TPPP2: variants seen among roughly 807,000 people sequenced by gnomAD.
TPPP2 encodes the protein tubulin polymerization promoting protein family member 2.
Under a neutral mutation model 13.0 loss-of-function variants are expected in TPPP2, and 8 were observed. The ratio of observed to expected loss-of-function variants is 0.62; its 90% CI spans 0.36 to 1.11. The LOEUF (loss-of-function observed/expected upper bound fraction) is 1.11. Among genes scored for constraint, TPPP2 ranks in the 50% most tolerant of loss-of-function variants. TPPP2 has a pLI of 0.02. For synonymous variants in TPPP2, 81 were observed against 81.8 expected, an observed-to-expected ratio of 0.99 and a Z score of 0.05; for missense variants, 213 against 216.9, an observed-to-expected ratio of 0.98 and a Z score of 0.11.
In TPPP2 at chr14:21,032,354, G is replaced by C. The variant is rs1884271536; in HGVS notation, c.*277G>C. The C allele has an allele frequency of 1.9e-6, 1 of 538,596 alleles. No individual in the cohort carries two copies. The highest frequency in any genetic ancestry group is 3.5e-6 in the Non-Finnish European group (1 of 282,806). The allele number at this position is 538,596 out of a possible 1,614,324, so 33.4% of individuals were successfully genotyped here. A position where few individuals can be genotyped will look rare whatever the true frequency, so the allele number is the denominator to read the frequency against. On this transcript the variant is annotated 3_prime_UTR_variant, in exon 4 of 4. Transcript: ENST00000321760. ...AGAACAGGATGGAAGAATATATTTG[G>C]AGTAAAGAGATGAACCAGATGTGGA...
Position 21,032,521 on chromosome 14 carries a change from C to T in TPPP2, c.*444C>T. ...GATCCTTCCCTGTCCCTCCACCTTC[C>T]TCATCTGTTGCAATTCAGGTTTTTT... On this transcript the variant is annotated 3_prime_UTR_variant, in exon 4 of 4. Coordinates refer to ENST00000321760, the MANE Select transcript of TPPP2 (RefSeq NM_173846.5). The T allele has an allele frequency of 5.8e-6, 2 of 347,752 alleles. No homozygotes were observed. Among genetic ancestry groups the T allele is most frequent in the South Asian group, 2.1e-5 (1 of 46,800 alleles). 21.5% of individuals were successfully genotyped at this position (347,752 alleles called of 1,614,324 possible). A position where few individuals can be genotyped will look rare whatever the true frequency, so the allele number is the denominator to read the frequency against.
At chr14:21,024,917 T>C (rs1740827324) in intron 1 of TPPP2, 1 of 985,702 alleles carries the variant, frequency 1.0e-6, no homozygotes, top group South Asian at 4.7e-5. Flanking sequence ...CGCTCCGTGC[T>C]GGCCCTTTCC....
downstream of TPPP2, chr14:21,034,321 G>A (rs771694607): frequency 2.0e-6 from 3 of 1,525,504 alleles, no homozygotes; most frequent in South Asian, 1.2e-5. Context: ...GTGGTTGGGG[G>A]CAGCAGTGGG....
upstream of TPPP2, chr14:21,025,779 A>G (rs1299811689): frequency 7.0e-6 from 6 of 857,624 alleles, no homozygotes; most frequent in African/African-American, 1.1e-4. The surrounding 1 kb of genome is among the most constrained non-coding windows in gnomAD (Gnocchi z 5.1). Context: ...GGGGGCCGCT[A>G]TAAATAGAGG....
At chr14:21,033,144 G>T (rs1884356279), downstream of TPPP2, 1 of 377,168 alleles carries the variant, frequency 2.7e-6, no homozygotes, top group Non-Finnish European at 5.2e-6. Context: ...AAAGAGGTTG[G>T]AAAAAGGAAG....
chr14:21,035,689 C>T (rs1884578968), downstream of TPPP2: 1 of 442,210 alleles, frequency 2.3e-6, no homozygotes, highest in South Asian at 1.6e-5. Context: ...TGGTGTTCCT[C>T]ATGTAGAGCC....
downstream of TPPP2, among the ~76,000 whole-genome samples, chr14:21,034,958 T>G (rs1884522070): frequency 1.3e-5 from 2 of 152,214 alleles, no homozygotes; most frequent in Non-Finnish European, 2.9e-5. Flanking sequence ...TTCTTTGATG[T>G]TTTCTCTGTT....
At chr14:21,026,838 C>G (rs1214852935), upstream of TPPP2, among the ~76,000 whole-genome samples, 3 of 152,118 alleles carry the variant, frequency 2.0e-5, no homozygotes, top group Non-Finnish European at 4.4e-5. Context: ...CAGTTTAACA[C>G]TCTCCTGGAC....
At chr14:21,035,396 G>T (rs1566491660), downstream of TPPP2, among the ~76,000 whole-genome samples, 1 of 152,222 alleles carries the variant, frequency 6.6e-6, no homozygotes, top group Non-Finnish European at 1.5e-5. Flanking sequence ...GGTTTGCCAT[G>T]CTGGGGAAAG....
Position 21,032,027 on chromosome 14 carries a change from T to C in TPPP2, c.463T>C (p.Tyr155His), listed in dbSNP as rs1884228899. ...GGAAGAGATGACTGACAACACAGGC[T>C]ATGTGAGTGGTTACAAGGGTTCTGG... ...GREEMTDNTG[Y>H]VSGYKGSGTY... Residue 155 changes from tyrosine (Y) to histidine (H), a missense_variant, in exon 4 of 4, where the codon TAT becomes CAT. Physicochemically the swap from Tyr to His is moderately conservative, Grantham distance 83. Transcript: ENST00000321760. 1.2e-6 allele frequency: 2 copies of C among 1,614,112 alleles called. No homozygotes were observed. Among genetic ancestry groups the C allele is most frequent in the African/African-American group, 2.7e-5 (2 of 75,020 alleles).
chr14:21,024,926 C>T (rs1358513703), intron 1 of TPPP2: 2 of 985,632 alleles, frequency 2.0e-6, no homozygotes, highest in Non-Finnish European at 2.4e-6. Context: ...CTGGCCCTTT[C>T]CCCCGAGCCT....
upstream of TPPP2, chr14:21,028,800 G>A (rs1046000812): frequency 1.3e-5 from 2 of 152,044 alleles, no homozygotes; most frequent in African/African-American, 4.8e-5. Flanking sequence ...ACTATGAGAT[G>A]ATAAGAACTT....
At chr14:21,025,421 T>C (rs1055902484), upstream of TPPP2, 272 of 985,488 alleles carry the variant, frequency 2.8e-4, no homozygotes, top group Non-Finnish European at 3.1e-4. This position sits in a 1 kb window ranked among gnomAD's most constrained non-coding sequence, Gnocchi z 5.1. Context: ...CTCTGGCTCC[T>C]TCCTTCGCCC....
upstream of TPPP2, among the ~76,000 whole-genome samples, chr14:21,027,473 T>C (rs138826034): frequency 1.3e-5 from 2 of 152,336 alleles, no homozygotes; most frequent in South Asian, 2.1e-4. Flanking sequence ...ACAAGTTATA[T>C]ATAAGATCAA....
At chr14:21,031,356 C>A in intron 3 of TPPP2, 191 bp downstream of exon 3, 1 of 624,720 alleles carries the variant, frequency 1.6e-6, no homozygotes, top group Non-Finnish European at 2.6e-6. Flanking sequence ...AGGTCCATGG[C>A]TATTTTAATA....
chr14:21,034,455 C>T (rs937240134), downstream of TPPP2, among the ~76,000 whole-genome samples: 1 of 152,176 alleles, frequency 6.6e-6, no homozygotes, highest in Admixed American at 6.5e-5. Context: ...TGCCCAAGGC[C>T]ACCCAGACAA....
downstream of TPPP2, chr14:21,034,140 C>T: frequency 6.2e-7 from 1 of 1,614,210 alleles, no homozygotes; most frequent in Non-Finnish European, 8.5e-7. Context: ...ATTACAATAG[C>T]CCCGGAAACC....
chr14:21,031,244 A>G (rs778716953), intron 3 of TPPP2, 79 bp downstream of exon 3: 4 of 1,530,916 alleles, frequency 2.6e-6, no homozygotes, highest in Non-Finnish European at 3.5e-6. Context: ...AACCCTGCCA[A>G]CTGTGTGACT....
At chr14:21,028,706 G>A (rs1031671386), upstream of TPPP2, among the ~76,000 whole-genome samples, 10 of 152,078 alleles carry the variant, frequency 6.6e-5, no homozygotes, top group South Asian at 2.1e-4. Flanking sequence ...ATGGGGAGGA[G>A]GTAATAGAGA....
Sources: allele counts gnomAD v4.1 joint callset (sites outside exome capture counted in the v4.1 genomes callset), GRCh38; gene constraint gnomAD v4.1.1; non-coding constraint Gnocchi (gnomAD v3.1); transcripts MANE v1.5; gene names NCBI Gene and HGNC (gene_info 2026-07-23, HGNC 2026-07-21).